ARL15: variants seen among roughly 807,000 people sequenced by gnomAD.
The protein encoded by ARL15 is ADP-ribosylation factor-like protein 15.
Under a neutral mutation model 25.2 loss-of-function variants are expected in ARL15, and 19 were observed. The ratio of observed to expected loss-of-function variants is 0.75; its 90% CI spans 0.53 to 1.10. ARL15 has a LOEUF of 1.10. Ranked by LOEUF, ARL15 falls within the 50% of genes least tolerant of loss-of-function variation. The pLI, the probability that ARL15 is intolerant of heterozygous loss-of-function variation, is 0.00. For missense variants in ARL15, 220 were observed against 246.0 expected, an observed-to-expected ratio of 0.89 and a Z score of 0.71; for synonymous variants, 94 against 86.8, an observed-to-expected ratio of 1.08 and a Z score of -0.46.
intron 1 of ARL15, among the ~76,000 whole-genome samples, chr5:54,217,185 T>G (rs938979607): frequency 4.3e-5 from 6 of 140,354 alleles, no homozygotes; most frequent in Non-Finnish European, 9.2e-5. Flanking sequence ...GGAATTTTAG[T>G]AAGACAATGC....
intron 4 of ARL15, among the ~76,000 whole-genome samples, chr5:54,038,752 T>C (rs569817990): frequency 2.0e-5 from 3 of 152,218 alleles, no homozygotes; most frequent in South Asian, 4.2e-4. Context: ...GATTCACAGA[T>C]ATAAAATAAG....
At chr5:54,181,701 A>C (rs1353854630) in intron 1 of ARL15, among the ~76,000 whole-genome samples, 1 of 152,230 alleles carries the variant, frequency 6.6e-6, no homozygotes, top group Non-Finnish European at 1.5e-5. Context: ...TAGGAGGTCA[A>C]CGGAGGAGGA....
rs562884023 is a variant in ARL15, at chr5:54,113,216, G to C, written c.448C>G (p.Arg150Gly). 7.4e-6 allele frequency: 12 copies of C among 1,613,492 alleles called. No individual in the cohort carries two copies. Among genetic ancestry groups the C allele is most frequent in the Non-Finnish European group, 1.0e-5 (12 of 1,179,840 alleles). Residue 150 changes from arginine (R) to glycine (G), a missense_variant, in exon 4 of 5, where the codon CGC (arginine) becomes GGC (glycine). Transcript: ENST00000504924. ...LANHQDKPAA[R>G]SVQEIKKYFE... ...ATGAGACATACCTCTTGTACTGAGC[G>C]AGCTGCTGGCTTGTCTTGATGATTG...
chr5:53,908,788 AT>A (rs1561144585), intron 4 of ARL15, among the ~76,000 whole-genome samples: 1 of 152,188 alleles, frequency 6.6e-6, no homozygotes, highest in African/African-American at 2.4e-5. Flanking sequence ...TGACTTCCCT[AT>A]TTGACAAAAG....
chr5:54,121,423 T>A lies in ARL15; in HGVS notation c.254-8013A>T, dbSNP rs191352455. Among the ~76,000 whole-genome samples, 407 of 152,220 alleles carry A rather than the reference T, an allele frequency of 2.7e-3. 3 individuals carry two copies. The highest frequency in any genetic ancestry group is 0.017 in the Middle Eastern group (5 of 294). On this transcript the variant is annotated intron_variant, in intron 3 of 4. Coordinates refer to ENST00000504924, the MANE Select transcript of ARL15 (RefSeq NM_019087.3). ...CCAGCATCATGTTCAGGCTCAAGCA[T>A]AAAATAGTGAATGGCAAAGAAAAAG...
intron 4 of ARL15, among the ~76,000 whole-genome samples, chr5:53,997,375 G>A (rs1748715269): frequency 6.6e-6 from 1 of 152,126 alleles, no homozygotes; most frequent in Non-Finnish European, 1.5e-5. Flanking sequence ...CAGTCTCTCT[G>A]CTGCCCTATC....
chr5:54,172,798 T>G (rs1010633685), intron 1 of ARL15, among the ~76,000 whole-genome samples: 7 of 152,204 alleles, frequency 4.6e-5, no homozygotes, highest in African/African-American at 1.7e-4. Flanking sequence ...ATACAAAAAT[T>G]TTTAAAATCA....
intron 4 of ARL15, among the ~76,000 whole-genome samples, chr5:54,059,016 C>A (rs1750976051): frequency 6.6e-6 from 1 of 152,182 alleles, no homozygotes; most frequent in Non-Finnish European, 1.5e-5. Context: ...CCATTTGTCA[C>A]AACATGTTCC....
intron 4 of ARL15, among the ~76,000 whole-genome samples, chr5:54,089,881 T>C (rs1434818138): frequency 2.0e-5 from 3 of 152,228 alleles, no homozygotes; most frequent in Non-Finnish European, 4.4e-5. Flanking sequence ...GTATATTTCT[T>C]GTATTTTATA....
At chr5:54,006,429 T>TA (rs35492074) in intron 4 of ARL15, among the ~76,000 whole-genome samples, 5 of 76,766 alleles carry the variant, frequency 6.5e-5, no homozygotes, top group East Asian at 1.3e-3. Context: ...ACAAAAAAGA[T>TA]TTTTTTTTTT....
chr5:53,971,787 T>C (rs886510286), intron 4 of ARL15, among the ~76,000 whole-genome samples: 1 of 152,204 alleles, frequency 6.6e-6, no homozygotes, highest in Non-Finnish European at 1.5e-5. Context: ...GGTAACTGAA[T>C]TCTTGCTGAT....
At chr5:54,146,679 C>T (rs188065978) in intron 3 of ARL15, among the ~76,000 whole-genome samples, 60 of 152,178 alleles carry the variant, frequency 3.9e-4, no homozygotes, top group Non-Finnish European at 5.7e-4. Context: ...CTGGAAGATA[C>T]GAAATGACCT....
chr5:54,268,275 T>C (rs921322059), intron 1 of ARL15, among the ~76,000 whole-genome samples: 3 of 152,182 alleles, frequency 2.0e-5, no homozygotes, highest in Non-Finnish European at 4.4e-5. Flanking sequence ...CTGAGGCTTC[T>C]GCATTCTTCA....
chr5:54,167,244 G>A (rs1754600716), intron 2 of ARL15, among the ~76,000 whole-genome samples: 1 of 152,178 alleles, frequency 6.6e-6, no homozygotes, highest in Non-Finnish European at 1.5e-5. Flanking sequence ...GGGAGACTCT[G>A]AAAATCTTTA....
intron 1 of ARL15, among the ~76,000 whole-genome samples, chr5:54,192,952 T>TGACATCA (rs1755447728): frequency 6.6e-6 from 1 of 152,180 alleles, no homozygotes; most frequent in African/African-American, 2.4e-5. Flanking sequence ...AGTATGTATG[T>TGACATCA]AGGTCCAGTG....
At chr5:53,917,033 AT>A (rs1158420653) in intron 4 of ARL15, among the ~76,000 whole-genome samples, 1 of 152,164 alleles carries the variant, frequency 6.6e-6, no homozygotes, top group Non-Finnish European at 1.5e-5. Flanking sequence ...AACAGTTTTC[AT>A]TTTCTTTTCT....
At chr5:54,240,598 G>T (rs1756934294) in intron 1 of ARL15, among the ~76,000 whole-genome samples, 1 of 152,170 alleles carries the variant, frequency 6.6e-6, no homozygotes. Flanking sequence ...AGACTAGGAA[G>T]TTTCTGGTTC....
intron 4 of ARL15, among the ~76,000 whole-genome samples, chr5:53,928,464 C>T (rs900153179): frequency 2.0e-5 from 3 of 152,160 alleles, no homozygotes; most frequent in Admixed American, 6.5e-5. Context: ...TTCAGCAGAT[C>T]ACTTCAGGTT....
At chr5:54,265,880 G>C (rs752981172) in intron 1 of ARL15, among the ~76,000 whole-genome samples, 1 of 152,162 alleles carries the variant, frequency 6.6e-6, no homozygotes, top group Non-Finnish European at 1.5e-5. Context: ...TATATATCAG[G>C]TTCCATATTA....
Sources: gnomAD v4.1 joint callset for allele counts (sites outside exome capture counted in the v4.1 genomes callset) on GRCh38, gnomAD v4.1.1 for gene constraint, MANE v1.5 for transcripts, NCBI Gene and HGNC (gene_info 2026-07-23, HGNC 2026-07-21) for gene names.